MNAT1: variants seen among roughly 807,000 people sequenced by gnomAD.
MNAT1 encodes the protein MNAT1 component of CDK activating kinase, also known as CDK-activating kinase assembly factor MAT1.
In MNAT1, 43 loss-of-function variants were observed where a neutral mutation model predicts 42.0. The ratio of observed to expected loss-of-function variants is 1.02; its 90% confidence interval spans 0.80 to 1.32. The LOEUF is 1.32. Ranked by LOEUF, MNAT1 falls within the 40% of genes most tolerant of loss-of-function variation. The pLI, the probability that MNAT1 is intolerant of heterozygous loss-of-function variation, is 0.00. For missense variants in MNAT1, 306 were observed against 350.4 expected (o/e 0.87, Z 1.01); for synonymous variants, 118 against 120.0 (o/e 0.98, Z 0.11).
At chr14:60,857,524 A>T (rs553839179) in intron 6 of MNAT1, among the ~76,000 whole-genome samples, 1 of 152,330 alleles carries the variant, frequency 6.6e-6, no homozygotes, top group South Asian at 2.1e-4. Context: ...TTTTAAAATT[A>T]CAACAAAGGG....
At chr14:60,755,860 A>G (rs2030327172) in intron 1 of MNAT1, among the ~76,000 whole-genome samples, 1 of 152,212 alleles carries the variant, frequency 6.6e-6, no homozygotes, top group African/African-American at 2.4e-5. Context: ...AGTGCAACAG[A>G]GGGAACAGCA....
intron 6 of MNAT1, among the ~76,000 whole-genome samples, chr14:60,849,309 C>T (rs1487879313): frequency 1.3e-5 from 2 of 152,140 alleles, no homozygotes; most frequent in African/African-American, 4.8e-5. Flanking sequence ...AACGTTCCTT[C>T]TTACAGATCA....
intron 1 of MNAT1, among the ~76,000 whole-genome samples, chr14:60,789,829 A>G (rs1390713654): frequency 6.6e-6 from 1 of 152,182 alleles, no homozygotes; most frequent in Admixed American, 6.5e-5. Flanking sequence ...TTGGAATATG[A>G]TGTGTTATTA....
At position 60,869,040 on chromosome 14, in the gene MNAT1, ATT is replaced by A. The variant is rs71114162; in HGVS notation, c.688-10658_688-10657del. ...ATTTTATACATATATATATATATAT[ATT>A]TTTTTTTTTTTTTTTGAGACGGAGT... On this transcript the variant is annotated intron_variant, in intron 6 of 7. Transcript: ENST00000261245. Among the ~76,000 whole-genome samples, 30 of 113,028 alleles carry A rather than the reference ATT, an allele frequency of 2.7e-4. 2 individuals are homozygous for A. The highest frequency in any genetic ancestry group is 1.1e-3 in the Admixed American group (12 of 11,002). The allele number at this position is 113,028 out of a possible 152,430, so 74.2% of individuals were successfully genotyped here.
chr14:60,967,183 G>A (rs1429758249), intron 7 of MNAT1, among the ~76,000 whole-genome samples: 1 of 152,018 alleles, frequency 6.6e-6, no homozygotes, highest in African/African-American at 2.4e-5. Flanking sequence ...ATATGTTTTA[G>A]CTACACAGGT....
chr14:60,947,045 G>C (rs180761154), intron 7 of MNAT1, among the ~76,000 whole-genome samples: 6 of 152,008 alleles, frequency 3.9e-5, no homozygotes, highest in Non-Finnish European at 8.8e-5. Flanking sequence ...CTCCACCCTC[G>C]TGAATTCATG....
chr14:60,872,766 A>G (rs1348672482), intron 6 of MNAT1, among the ~76,000 whole-genome samples: 1 of 151,714 alleles, frequency 6.6e-6, no homozygotes, highest in African/African-American at 2.4e-5. Context: ...AAATAAGACA[A>G]TGAATACTCA....
chr14:60,934,727 A>C (rs1336830220), intron 7 of MNAT1, among the ~76,000 whole-genome samples: 3 of 152,212 alleles, frequency 2.0e-5, no homozygotes, highest in African/African-American at 7.2e-5. Context: ...GCAGCAAGAA[A>C]ATGGACTAAT....
chr14:60,953,279 A>G (rs978154724), intron 7 of MNAT1, among the ~76,000 whole-genome samples: 4 of 152,192 alleles, frequency 2.6e-5, no homozygotes, highest in African/African-American at 9.7e-5. Flanking sequence ...GTTAGCGTGT[A>G]GGTATTGGCA....
At chr14:60,854,954 C>T (rs890831645) in intron 6 of MNAT1, among the ~76,000 whole-genome samples, 5 of 152,152 alleles carry the variant, frequency 3.3e-5, no homozygotes, top group African/African-American at 7.2e-5. Flanking sequence ...CCCAGAGAGA[C>T]GGGGGTTTTG....
At chr14:60,874,042 A>G (rs2034384532) in intron 6 of MNAT1, among the ~76,000 whole-genome samples, 1 of 152,218 alleles carries the variant, frequency 6.6e-6, no homozygotes, top group South Asian at 2.1e-4. Context: ...TTACTAGGTC[A>G]AAATATGTGA....
intron 7 of MNAT1, among the ~76,000 whole-genome samples, chr14:60,967,567 G>A (rs1286822149): frequency 6.6e-6 from 1 of 151,994 alleles, no homozygotes; most frequent in African/African-American, 2.4e-5. Context: ...TAAAAAAACT[G>A]TGTGGTTGCA....
chr14:60,887,850 G>T (rs2034716633), intron 7 of MNAT1, among the ~76,000 whole-genome samples: 1 of 151,940 alleles, frequency 6.6e-6, no homozygotes, highest in African/African-American at 2.4e-5. Flanking sequence ...AAATCTAGAA[G>T]AAATGGATAA....
intron 7 of MNAT1, among the ~76,000 whole-genome samples, chr14:60,934,885 T>G (rs1007739255): frequency 2.6e-5 from 4 of 152,246 alleles, no homozygotes; most frequent in Admixed American, 2.6e-4. Context: ...TGCCTCACTT[T>G]CCCTAGTTTA....
At chr14:60,857,553 C>T (rs2033991309) in intron 6 of MNAT1, among the ~76,000 whole-genome samples, 1 of 152,076 alleles carries the variant, frequency 6.6e-6, no homozygotes, top group African/African-American at 2.4e-5. Context: ...ATTATATAAA[C>T]TTAGTTGATA....
At chr14:60,862,825 A>G (rs1453125669) in intron 6 of MNAT1, among the ~76,000 whole-genome samples, 1 of 152,208 alleles carries the variant, frequency 6.6e-6, no homozygotes, top group Non-Finnish European at 1.5e-5. Context: ...AGGATATTTT[A>G]TAATTGCCAA....
chr14:60,809,994 G>A (rs954753126), intron 4 of MNAT1, among the ~76,000 whole-genome samples: 19 of 152,146 alleles, frequency 1.2e-4, no homozygotes, highest in Middle Eastern at 6.8e-3. Context: ...CTGTTAGGAG[G>A]TGTGATTACT....
intron 7 of MNAT1, among the ~76,000 whole-genome samples, chr14:60,938,817 C>T (rs555581006): frequency 9.2e-5 from 14 of 152,158 alleles, no homozygotes; most frequent in Non-Finnish European, 1.8e-4. Flanking sequence ...GTACCAGCTC[C>T]TCCTTGTACC....
At chr14:60,777,330 A>G (rs913002629) in intron 1 of MNAT1, among the ~76,000 whole-genome samples, 3 of 152,016 alleles carry the variant, frequency 2.0e-5, no homozygotes, top group African/African-American at 7.3e-5. Context: ...CATGCCTGTA[A>G]TCTCAGCATT....
Sources: gnomAD v4.1 joint callset for allele counts (sites outside exome capture counted in the v4.1 genomes callset) on GRCh38, gnomAD v4.1.1 for gene constraint, MANE v1.5 for transcripts, NCBI Gene and HGNC (gene_info 2026-07-23, HGNC 2026-07-21) for gene names.